The following BABAM2 variants were observed in gnomAD, a reference collection of about 807,000 sequenced individuals.
The protein encoded by BABAM2 is BRISC and BRCA1-A complex member 2.
BABAM2 carries 31 observed loss-of-function variants against 54.7 expected under a neutral mutation model. That is an observed-to-expected ratio of 0.57 (90% CI 0.43 to 0.77). The LOEUF (loss-of-function observed/expected upper bound fraction) is 0.77. Among genes scored for constraint, BABAM2 ranks in the 30% least tolerant of loss-of-function variants. BABAM2 has a pLI of 0.00. For synonymous variants in BABAM2, 167 were observed against 162.9 expected, an observed-to-expected ratio of 1.03 and a Z score of -0.19; for missense variants, 364 against 455.8, an observed-to-expected ratio of 0.80 and a Z score of 1.83.
intron 4 of BABAM2, among the ~76,000 whole-genome samples, chr2:28,021,925 C>T (rs1675300246): frequency 1.3e-5 from 2 of 152,026 alleles, no homozygotes; most frequent in Non-Finnish European, 2.9e-5. Flanking sequence ...GGTATCCTCG[C>T]GCATGTCTAA....
At chr2:28,235,195 G>T (rs1433222517) in intron 7 of BABAM2, among the ~76,000 whole-genome samples, 1 of 152,120 alleles carries the variant, frequency 6.6e-6, no homozygotes, top group Non-Finnish European at 1.5e-5. Context: ...TTTATTTTGA[G>T]ATGGAGTCTC....
rs148565028 is a variant in BABAM2 at position 27,964,146 on chromosome 2, G to A, written c.206-23847G>A. Among the ~76,000 whole-genome samples the A allele has an allele frequency of 2.0e-5, 3 of 152,248 alleles. No homozygotes were observed. The East Asian group carries it at 5.8e-4, about 29-fold the overall frequency. On this transcript the variant is annotated intron_variant, in intron 3 of 11. Transcript: ENST00000379624. ...AATGGATTAGTTCCCAAGAGAGTGG[G>A]TTGTTATAAAATGAACCTCTCATGT...
At chr2:27,934,626 G>T (rs182221357) in intron 3 of BABAM2, among the ~76,000 whole-genome samples, 2 of 152,316 alleles carry the variant, frequency 1.3e-5, no homozygotes, top group Non-Finnish European at 2.9e-5. Context: ...TAGGCCTCTT[G>T]GCCAAACAGT....
chr2:28,162,232 C>A (rs1361516232), intron 7 of BABAM2, among the ~76,000 whole-genome samples: 2 of 152,120 alleles, frequency 1.3e-5, no homozygotes, highest in Non-Finnish European at 2.9e-5. Flanking sequence ...CTAGGCCCTG[C>A]AGCGCATACC....
chr2:28,327,324 C>T, intron 11 of BABAM2: 1 of 1,613,852 alleles, frequency 6.2e-7, no homozygotes, highest in South Asian at 1.1e-5. Context: ...CAAGTCCTGG[C>T]CTTTGCAGTT....
intron 3 of BABAM2, among the ~76,000 whole-genome samples, chr2:27,965,494 C>A (rs151259452): frequency 6.6e-6 from 1 of 152,006 alleles, no homozygotes; most frequent in African/African-American, 2.4e-5. Context: ...AAATTCCGAG[C>A]GTCATATCGT....
chr2:28,028,831 C>T (rs1676085542), intron 5 of BABAM2, among the ~76,000 whole-genome samples: 1 of 151,948 alleles, frequency 6.6e-6, no homozygotes, highest in Admixed American at 6.6e-5. Context: ...CAGTGGCGTA[C>T]TCTCGGCTCA....
chr2:27,948,160 G>A (rs1669436252), intron 3 of BABAM2, among the ~76,000 whole-genome samples: 1 of 151,286 alleles, frequency 6.6e-6, no homozygotes, highest in African/African-American at 2.4e-5. Context: ...TACAGGTTTT[G>A]CACTTCTTTT....
At position 27,939,203 on chromosome 2, in the gene BABAM2, G is replaced by T. The variant is rs145834601; in HGVS notation, c.205+9295G>T. On this transcript the variant is annotated intron_variant, in intron 3 of 11. Transcript: ENST00000379624. ...CTTGACCTAGTGATCCGCCCACCTC[G>T]GCCTCCCAAAGTGCTAGGATTACAG... Among the ~76,000 whole-genome samples the T allele has an allele frequency of 1.3e-3, 191 of 151,940 alleles. 2 individuals carry two copies. In the East Asian group the frequency reaches 0.022, roughly 17 times the overall value.
intron 11 of BABAM2, among the ~76,000 whole-genome samples, chr2:28,327,110 G>A (rs1374206280): frequency 6.6e-6 from 1 of 152,234 alleles, no homozygotes; most frequent in Non-Finnish European, 1.5e-5. Flanking sequence ...TGAGAGAATG[G>A]TTGGTATGTG....
chr2:28,017,773 T>C (rs1674952265), intron 4 of BABAM2, among the ~76,000 whole-genome samples: 1 of 152,232 alleles, frequency 6.6e-6, no homozygotes, highest in South Asian at 2.1e-4. Flanking sequence ...ATTCATACAA[T>C]GTGTGGCCTT....
Position 28,254,309 on chromosome 2 carries a change from G to A in BABAM2, c.934+9447G>A, listed in dbSNP as rs182355060. Among the ~76,000 whole-genome samples the A allele has an allele frequency of 7.1e-3, 1,077 of 152,152 alleles. 14 individuals carry two copies. Among genetic ancestry groups the A allele is most frequent in the South Asian group, 0.048 (232 of 4,820 alleles). On this transcript the variant is annotated intron_variant, in intron 10 of 11. Coordinates refer to ENST00000379624, the MANE Select transcript of BABAM2 (RefSeq NM_199191.3). ...GTGCCACCATGACCAAATAATTTTT[G>A]TATTTTTTGTAGATACGGTGTTTGA...
intron 7 of BABAM2, among the ~76,000 whole-genome samples, chr2:28,220,466 T>TG (rs1053998336): frequency 6.6e-6 from 1 of 152,186 alleles, no homozygotes; most frequent in African/African-American, 2.4e-5. Context: ...CCATAGTCTT[T>TG]GGGAATTAAA....
intron 11 of BABAM2, chr2:28,327,227 G>A: frequency 1.3e-6 from 2 of 1,555,250 alleles, no homozygotes; most frequent in Non-Finnish European, 1.7e-6. Flanking sequence ...CCTCCATTTA[G>A]CCAGCTGGCC....
intron 7 of BABAM2, among the ~76,000 whole-genome samples, chr2:28,170,674 A>G (rs1674221696): frequency 6.6e-6 from 1 of 152,194 alleles, no homozygotes; most frequent in South Asian, 2.1e-4. Flanking sequence ...ATGAACTATA[A>G]GAGAATCATA....
At chr2:28,008,717 C>T (rs1027055620) in intron 4 of BABAM2, among the ~76,000 whole-genome samples, 2 of 152,026 alleles carry the variant, frequency 1.3e-5, no homozygotes, top group African/African-American at 4.8e-5. Flanking sequence ...TGGCACTTTC[C>T]CCCCAGGGCA....
rs1276214203 is a variant in BABAM2, at chr2:28,325,437, A to ATG, written c.1089-13012_1089-13011dup. Among the ~76,000 whole-genome samples the ATG allele has an allele frequency of 2.6e-5, 4 of 152,170 alleles. No homozygotes were observed. The highest frequency in any genetic ancestry group is 4.4e-5 in the Non-Finnish European group (3 of 68,022). ...GACGTTCTGTCATCTGCCAGCCTGC[A>ATG]TGGAACTTCCCCACACCCTACCCCA... On this transcript the variant is annotated intron_variant, in intron 11 of 11. Coordinates refer to ENST00000379624, the MANE Select transcript of BABAM2 (RefSeq NM_199191.3). The surrounding 1 kb of genome is among the most constrained non-coding windows in gnomAD (Gnocchi z 4.3).
At chr2:28,130,024 T>C (rs748118018) in intron 7 of BABAM2, among the ~76,000 whole-genome samples, 1 of 152,218 alleles carries the variant, frequency 6.6e-6, no homozygotes, top group Non-Finnish European at 1.5e-5. Flanking sequence ...TGAAATGCTT[T>C]AGTAGCTTAT....
chr2:28,073,218 G>C (rs973375418), intron 6 of BABAM2, among the ~76,000 whole-genome samples: 3 of 152,214 alleles, frequency 2.0e-5, no homozygotes, highest in African/African-American at 7.2e-5. Context: ...GAAATTGCTG[G>C]GTGTGGTGGC....
Sources: gnomAD v4.1 joint callset for allele counts (sites outside exome capture counted in the v4.1 genomes callset) on GRCh38, gnomAD v4.1.1 for gene constraint, Gnocchi (gnomAD v3.1) non-coding constraint, MANE v1.5 for transcripts, NCBI Gene and HGNC (gene_info 2026-07-23, HGNC 2026-07-21) for gene names.